SDE2: variants seen among roughly 807,000 people sequenced by gnomAD.
SDE2 encodes splicing regulator SDE2.
In SDE2, 31 loss-of-function variants were observed where a neutral mutation model predicts 46.9. The observed-to-expected ratio is 0.66, with a 90% CI of 0.50 to 0.89. The LOEUF (loss-of-function observed/expected upper bound fraction) is 0.89, where lower values mean the gene tolerates loss of function less well. Among genes scored for constraint, SDE2 ranks in the 40% least tolerant of loss-of-function variants. The pLI, the probability that SDE2 is intolerant of heterozygous loss-of-function variation, is 0.00. For synonymous variants in SDE2, 205 were observed against 204.3 expected, an observed-to-expected ratio of 1.00 and a Z score of -0.03; for missense variants, 542 against 564.4, an observed-to-expected ratio of 0.96 and a Z score of 0.40.
chr1:225,992,652 G>T, intron 3 of SDE2, 85 bp from the exon 4 acceptor site: 1 of 909,434 alleles, frequency 1.1e-6, no homozygotes, highest in Non-Finnish European at 1.7e-6. Flanking sequence ...ACGAATTAAT[G>T]CACTTGTTCA....
rs1296270736 is a variant in SDE2 at position 225,984,272 on chromosome 1, G to C, written c.*1030C>G. 1 of 151,680 alleles carries C rather than the reference G, an allele frequency of 6.6e-6. No homozygotes were observed. Among genetic ancestry groups the C allele is most frequent in the African/African-American group, 2.4e-5 (1 of 41,318 alleles). 9.4% of individuals were successfully genotyped at this position (151,680 alleles called of 1,614,324 possible). On this transcript the variant is annotated 3_prime_UTR_variant, in exon 7 of 7. Transcript: ENST00000272091. Reference sequence around the variant, plus strand: ...CAAAAAGAAAAAAAAAAGAAAATTAGAACTGAATAATAAAAATACGACATA... The same window carrying C: ...CAAAAAGAAAAAAAAAAGAAAATTACAACTGAATAATAAAAATACGACATA...
At chr1:225,985,692 A>T (rs1656254232) in intron 6 of SDE2, among the ~76,000 whole-genome samples, 169 bp from the exon 7 acceptor site, 1 of 152,228 alleles carries the variant, frequency 6.6e-6, no homozygotes, top group East Asian at 1.9e-4. Context: ...TTCTCAACAC[A>T]CATAATAACT....
intron 5 of SDE2, among the ~76,000 whole-genome samples, chr1:225,990,656 T>C (rs1170920920): frequency 6.6e-6 from 1 of 152,184 alleles, no homozygotes; most frequent in African/African-American, 2.4e-5. Flanking sequence ...AAACATTGTA[T>C]GCTGAACTCA....
At chr1:225,987,584 A>G (rs1656295206) in intron 6 of SDE2, among the ~76,000 whole-genome samples, 1 of 152,168 alleles carries the variant, frequency 6.6e-6, no homozygotes, top group African/African-American at 2.4e-5. Flanking sequence ...TATTACTAAG[A>G]ATAAACAATA....
chr1:225,994,014 C>T (rs963295740), intron 2 of SDE2, among the ~76,000 whole-genome samples: 5 of 151,940 alleles, frequency 3.3e-5, no homozygotes, highest in South Asian at 4.2e-4. Flanking sequence ...AACTGTCCTC[C>T]CACCTTGGAC....
chr1:225,998,273 A>C (rs1329781588), intron 1 of SDE2, among the ~76,000 whole-genome samples: 1 of 152,244 alleles, frequency 6.6e-6, no homozygotes, highest in African/African-American at 2.4e-5. Flanking sequence ...GAAAACATGG[A>C]AAGTGAAAAA....
At chr1:225,991,996 T>C (rs1656410674) in intron 4 of SDE2, among the ~76,000 whole-genome samples, 1 of 152,124 alleles carries the variant, frequency 6.6e-6, no homozygotes, top group African/African-American at 2.4e-5. Context: ...CTGGCCAACA[T>C]GGTGAAACCC....
chr1:225,999,337 CCT>C lies in SDE2; in HGVS notation c.-27_-26del. 3.7e-6 allele frequency: 6 copies of C among 1,604,064 alleles called. No homozygotes were observed. In the African/African-American group the frequency reaches 4.0e-5, roughly 11 times the overall value. On this transcript the variant is annotated 5_prime_UTR_variant, in exon 1 of 7. Coordinates refer to ENST00000272091, the MANE Select transcript of SDE2 (RefSeq NM_152608.4). Reference sequence around the variant, plus strand: ...TGTCACCGACTACCCGAACCTCAAGCCTCTCTGAGACACCAGGCGCCGCAACT... The same window carrying C: ...TGTCACCGACTACCCGAACCTCAAGCCTCTGAGACACCAGGCGCCGCAACT...
Position 225,995,288 on chromosome 1 carries a change from G to A in SDE2, c.216C>T (p.Pro72=), listed in dbSNP as rs2102706009. 1.2e-6 allele frequency: 2 copies of A among 1,604,974 alleles called. No homozygotes were observed. The highest frequency in any genetic ancestry group is 2.2e-5 in the East Asian group (1 of 44,764). ...TACCTCCTTTTCCACCGCAAAGTCTGGGTTCCAAACTATAAACAGCTCCAT... is the reference window on the plus strand; with the variant it reads ...TACCTCCTTTTCCACCGCAAAGTCTAGGTTCCAAACTATAAACAGCTCCAT... ...VQHGAVYSLE[P]RLCGGKGGFG... is the part of the protein sequence containing the mutation. The change falls in exon 2 of 7, where the codon CCC becomes CCT. Residue 72 remains proline (P), a synonymous_variant. Transcript: ENST00000272091.
At chr1:225,990,097 A>C (rs1440161014) in intron 5 of SDE2, among the ~76,000 whole-genome samples, 4 of 151,098 alleles carry the variant, frequency 2.6e-5, no homozygotes, top group African/African-American at 9.7e-5. Context: ...AAACACACAC[A>C]AAAAAAACAC....
chr1:225,998,436 CAG>C (rs1241163996), intron 1 of SDE2, among the ~76,000 whole-genome samples: 2 of 152,158 alleles, frequency 1.3e-5, no homozygotes, highest in Non-Finnish European at 2.9e-5. Context: ...GCGGAAAGAA[CAG>C]AGTTCTAGAT....
In SDE2 at chr1:225,988,047, T is replaced by C. The variant is rs1224193978; in HGVS notation, c.983A>G (p.Glu328Gly). ...CCCAGTGGGCTCCTCTTCTATGGGT[T>C]CTTTACTCTCTGCCTTCTTCTCCTG... ...ETQEKKAESKEPIEEEPTGAG... is the reference protein window; with the variant it reads ...ETQEKKAESKGPIEEEPTGAG... The change falls in exon 6 of 7, where the codon GAA becomes GGA. Residue 328 changes from glutamate (E) to glycine (G), a missense_variant. By Grantham distance (98) the Glu-to-Gly change is moderately conservative (BLOSUM62 -2). Around this residue, in one of 3 missense-constraint regions of SDE2, gnomAD observed 401 missense variants for 437.8 expected, o/e 0.92. Transcript: ENST00000272091. 6.2e-7 allele frequency: 1 copy of C among 1,614,090 alleles called. No homozygotes were observed. The highest frequency in any genetic ancestry group is 8.5e-7 in the Non-Finnish European group (1 of 1,180,034).
intron 5 of SDE2, among the ~76,000 whole-genome samples, chr1:225,990,642 GAACA>G (rs1656378126): frequency 6.6e-6 from 1 of 151,914 alleles, no homozygotes; most frequent in African/African-American, 2.4e-5. Context: ...ATTTCAGAAA[GAACA>G]AACATTGTAT....
chr1:225,986,555 CA>C (rs1476090909), intron 6 of SDE2, among the ~76,000 whole-genome samples: 1 of 152,094 alleles, frequency 6.6e-6, no homozygotes, highest in Non-Finnish European at 1.5e-5. Flanking sequence ...TATTTATGAC[CA>C]AATTCTAAAA....
Position 225,985,062 on chromosome 1 carries a change from A to G in SDE2, c.*240T>C. Reference sequence around the variant, plus strand: ...CTAAATGACACCAAGATCAAACCAAAAAATGTGAATAGCCCTATATTTATT... The same window carrying G: ...CTAAATGACACCAAGATCAAACCAAGAAATGTGAATAGCCCTATATTTATT... On this transcript the variant is annotated 3_prime_UTR_variant, in exon 7 of 7. Transcript: ENST00000272091. The G allele has an allele frequency of 2.1e-6, 1 of 486,184 alleles. No individual in the cohort carries two copies. Among genetic ancestry groups the G allele is most frequent in the Non-Finnish European group, 3.6e-6 (1 of 274,500 alleles). 30.1% of individuals were successfully genotyped at this position (486,184 alleles called of 1,614,324 possible).
chr1:225,988,684 G>A (rs1474993477), intron 5 of SDE2, among the ~76,000 whole-genome samples: 7 of 152,112 alleles, frequency 4.6e-5, no homozygotes, highest in Admixed American at 6.5e-5. Flanking sequence ...AGACGAGATC[G>A]CGCCATTGTA....
At chr1:225,985,628 A>T (rs1247763925) in intron 6 of SDE2, 105 bp from the exon 7 acceptor site, 1 of 709,994 alleles carries the variant, frequency 1.4e-6, no homozygotes, top group Non-Finnish European at 2.4e-6. Flanking sequence ...TTAATTTGCC[A>T]TACCTTGCAA....
At chr1:225,993,563 G>T (rs1020774850) in intron 2 of SDE2, among the ~76,000 whole-genome samples, 4 of 151,782 alleles carry the variant, frequency 2.6e-5, no homozygotes, top group Non-Finnish European at 5.9e-5. Context: ...AGTGAGCTGA[G>T]CTCGTGCCAC....
In SDE2 at chr1:225,984,821, T is replaced by C. The variant is rs547438421; in HGVS notation, c.*481A>G. ...TAAGACTGTCTCAAAAAAAATAAAA[T>C]AAAATAAAAAGTCAGATCAGTAAAA... is the stretch of plus-strand genomic sequence containing the variant. On this transcript the variant is annotated 3_prime_UTR_variant, in exon 7 of 7. Coordinates refer to ENST00000272091, the MANE Select transcript of SDE2 (RefSeq NM_152608.4). The C allele has an allele frequency of 6.5e-6, 1 of 154,646 alleles. No homozygotes were observed. Among genetic ancestry groups the C allele is most frequent in the Admixed American group, 6.4e-5 (1 of 15,710 alleles). 9.6% of individuals were successfully genotyped at this position (154,646 alleles called of 1,614,324 possible).
Sources: allele counts gnomAD v4.1 joint callset (sites outside exome capture counted in the v4.1 genomes callset), GRCh38; gene constraint gnomAD v4.1.1; regional missense constraint gnomAD v4.1.1; transcripts MANE v1.5; gene names NCBI Gene and HGNC (gene_info 2026-07-23, HGNC 2026-07-21).